The following CHIC2 variants were observed in gnomAD, a reference collection of about 807,000 sequenced individuals.
The protein encoded by CHIC2 is cysteine-rich hydrophobic domain-containing protein 2.
Under a neutral mutation model 25.9 loss-of-function variants are expected in CHIC2, and 14 were observed. The ratio of observed to expected loss-of-function variants is 0.54; its 90% CI spans 0.36 to 0.85. The LOEUF is 0.85. Ranked by LOEUF, CHIC2 falls within the 40% of genes least tolerant of loss-of-function variation. CHIC2 has a pLI of 0.01. For synonymous variants in CHIC2, 70 were observed against 72.0 expected, an observed-to-expected ratio of 0.97 and a Z score of 0.14; for missense variants, 146 against 202.0, an observed-to-expected ratio of 0.72 and a Z score of 1.68.
chr4:54,087,227 G>T, the CHIC2 span: 1 of 640,748 alleles, frequency 1.6e-6, no homozygotes. Flanking sequence ...GAAGGAAAGA[G>T]CCTGGGCAGA....
intron 3 of CHIC2, among the ~76,000 whole-genome samples, chr4:54,034,551 A>T (rs1161121856): frequency 6.6e-6 from 1 of 151,984 alleles, no homozygotes; most frequent in Non-Finnish European, 1.5e-5. Context: ...GTAAGTACCT[A>T]GCATTTTTAT....
chr4:54,065,428 CA>C (rs955311824), upstream of CHIC2: 5 of 496,020 alleles, frequency 1.0e-5, no homozygotes, highest in Admixed American at 1.9e-4. Flanking sequence ...GTTCCTACCA[CA>C]AAAAAGACCT....
rs1252669076 is a variant in CHIC2 at position 54,055,123 on chromosome 4, G to A, written c.120-5818C>T. 2.0e-5 allele frequency among the ~76,000 whole-genome samples: 3 copies of A among 151,998 alleles called. No homozygotes were observed. The East Asian group carries it at 5.8e-4, about 29-fold the overall frequency. Reference sequence around the variant, plus strand: ...GCAAAGGTGGAAAGGTGGAGACAGGGGGAAGAAAAAAATATATATATATTT... The same window carrying A: ...GCAAAGGTGGAAAGGTGGAGACAGGAGGAAGAAAAAAATATATATATATTT... On this transcript the variant is annotated intron_variant, in intron 1 of 5. Transcript: ENST00000263921.
chr4:54,037,354 AAAAT>A (rs770599314), intron 3 of CHIC2, among the ~76,000 whole-genome samples: 3 of 152,172 alleles, frequency 2.0e-5, no homozygotes, highest in South Asian at 2.1e-4. Context: ...CCCTATCTCA[AAAAT>A]AAATAAATAA....
At chr4:54,084,935 G>A in the CHIC2 span, among the ~76,000 whole-genome samples, 1 of 135,250 alleles carries the variant, frequency 7.4e-6, no homozygotes. Flanking sequence ...ACTCCAGCCT[G>A]GGAGACACAG....
At chr4:54,034,657 A>G (rs1716330996) in intron 3 of CHIC2, among the ~76,000 whole-genome samples, 1 of 152,094 alleles carries the variant, frequency 6.6e-6, no homozygotes, top group South Asian at 2.1e-4. Context: ...AGTTTCTTTA[A>G]AGATTCTATT....
At chr4:54,078,348 C>A in the CHIC2 span, among the ~76,000 whole-genome samples, 1 of 152,096 alleles carries the variant, frequency 6.6e-6, no homozygotes, top group East Asian at 1.9e-4. Context: ...TAGGATCATG[C>A]CATTAGAGAA....
chr4:54,022,594 T>C (rs1577965704), intron 3 of CHIC2, among the ~76,000 whole-genome samples: 3 of 152,090 alleles, frequency 2.0e-5, no homozygotes, highest in African/African-American at 2.4e-5. Context: ...ATTATCTGCT[T>C]CCCTGACTAT....
chr4:54,041,507 T>C (rs1716577046), intron 3 of CHIC2, among the ~76,000 whole-genome samples: 1 of 152,140 alleles, frequency 6.6e-6, no homozygotes, highest in Non-Finnish European at 1.5e-5. Flanking sequence ...CTAACTGCAA[T>C]AGACTGAACA....
intron 3 of CHIC2, among the ~76,000 whole-genome samples, chr4:54,039,255 C>T (rs547124915): frequency 5.7e-4 from 86 of 152,120 alleles, no homozygotes; most frequent in African/African-American, 2.0e-3. Context: ...AAAGCAAAAG[C>T]TTTTGTTCCG....
chr4:54,062,008 G>A (rs1440635231), intron 1 of CHIC2, among the ~76,000 whole-genome samples: 1 of 152,042 alleles, frequency 6.6e-6, no homozygotes, highest in Non-Finnish European at 1.5e-5. Flanking sequence ...AGTATCTATT[G>A]AACATAGTAC....
chr4:54,079,643 T>C, the CHIC2 span, among the ~76,000 whole-genome samples: 1 of 152,110 alleles, frequency 6.6e-6, no homozygotes, highest in Non-Finnish European at 1.5e-5. Context: ...GATGTACCAA[T>C]GTCCAGCAGG....
At chr4:54,089,520 T>C in the CHIC2 span, among the ~76,000 whole-genome samples, 2 of 152,154 alleles carry the variant, frequency 1.3e-5, no homozygotes, top group Non-Finnish European at 2.9e-5. Context: ...CAATTGTTTA[T>C]ACAATACCTT....
At chr4:54,059,443 G>A (rs1442333277) in intron 1 of CHIC2, among the ~76,000 whole-genome samples, 2 of 152,128 alleles carry the variant, frequency 1.3e-5, no homozygotes, top group Non-Finnish European at 2.9e-5. Context: ...TTCAGAGACT[G>A]AGAAAGGAGG....
chr4:54,072,161 C>T, the CHIC2 span, among the ~76,000 whole-genome samples: 6 of 151,720 alleles, frequency 4.0e-5, no homozygotes, highest in Non-Finnish European at 8.8e-5. Flanking sequence ...GGTGTCATGG[C>T]GCGTGGTGGT....
chr4:54,061,568 C>T (rs1266702835), intron 1 of CHIC2, among the ~76,000 whole-genome samples: 2 of 151,900 alleles, frequency 1.3e-5, no homozygotes, highest in Non-Finnish European at 2.9e-5. Context: ...AGTCTTACTA[C>T]AACTGTTCTA....
At chr4:54,035,671 T>C (rs1167394670) in intron 3 of CHIC2, among the ~76,000 whole-genome samples, 2 of 152,182 alleles carry the variant, frequency 1.3e-5, no homozygotes, top group African/African-American at 4.8e-5. Flanking sequence ...TCTCAAAGGT[T>C]TGATTATTTC....
intron 1 of CHIC2, among the ~76,000 whole-genome samples, chr4:54,052,900 T>C (rs749945453): frequency 6.6e-6 from 1 of 152,202 alleles, no homozygotes; most frequent in African/African-American, 2.4e-5. Context: ...AATTTATGCA[T>C]AAACAAGTTC....
At chr4:54,060,475 A>C (rs1717297848) in intron 1 of CHIC2, 1 of 152,174 alleles carries the variant, frequency 6.6e-6, no homozygotes, top group African/African-American at 2.4e-5. Context: ...GTTAGAAGTC[A>C]AAGATTATAC....
Sources: gnomAD v4.1 joint callset for allele counts (sites outside exome capture counted in the v4.1 genomes callset) on GRCh38, gnomAD v4.1.1 for gene constraint, MANE v1.5 for transcripts, NCBI Gene and HGNC (gene_info 2026-07-23, HGNC 2026-07-21) for gene names.